RBFOX3: variants seen among roughly 807,000 people sequenced by gnomAD.
RBFOX3 encodes RNA binding fox-1 homolog 3.
In RBFOX3, 17 loss-of-function variants were observed where a neutral mutation model predicts 48.7. The observed-to-expected ratio is 0.35, with a 90% confidence interval of 0.24 to 0.52. RBFOX3 has a LOEUF of 0.52. Ranked by LOEUF, RBFOX3 falls within the 20% of genes least tolerant of loss-of-function variation. The pLI is 0.94. For missense variants in RBFOX3, 382 were observed against 497.5 expected (o/e 0.77, Z 2.21); for synonymous variants, 212 against 209.5 (o/e 1.01, Z -0.10).
chr17:79,162,870 A>C (rs948518730), intron 4 of RBFOX3, among the ~76,000 whole-genome samples: 2 of 152,166 alleles, frequency 1.3e-5, no homozygotes. Flanking sequence ...GAATGGAAAA[A>C]GCCAGTGGCA....
rs2057189067 is a variant in RBFOX3, at chr17:79,204,207, C to T, written c.-34+31559G>A. ...AGCACAGGCCAAGGGGGCAACAGCC[C>T]CAGCTCAGGAAGAAAACAGCCACAC... is the stretch of plus-strand genomic sequence containing the variant. On this transcript the variant is annotated intron_variant, in intron 4 of 14. Coordinates refer to ENST00000693108, the MANE Select transcript of RBFOX3 (RefSeq NM_001350451.2). The surrounding 1 kb of genome is among the most constrained non-coding windows in gnomAD (Gnocchi z 4.5). Among the ~76,000 whole-genome samples, 2 of 152,146 alleles carry T rather than the reference C, an allele frequency of 1.3e-5. No homozygotes were observed. The highest frequency in any genetic ancestry group is 4.8e-5 in the African/African-American group (2 of 41,418).
chr17:79,457,128 G>C (rs1269839688), intron 2 of RBFOX3, among the ~76,000 whole-genome samples: 1 of 152,262 alleles, frequency 6.6e-6, no homozygotes, highest in Non-Finnish European at 1.5e-5. Flanking sequence ...TGGGCTCCTG[G>C]GGGCATGGCT....
chr17:79,343,559 TG>T (rs2082420259), intron 2 of RBFOX3, among the ~76,000 whole-genome samples: 1 of 151,872 alleles, frequency 6.6e-6, no homozygotes. Context: ...CCAAAAACAC[TG>T]GAGGAAGAAA....
intron 1 of RBFOX3, among the ~76,000 whole-genome samples, chr17:79,498,917 C>T (rs2082005558): frequency 7.0e-6 from 1 of 143,822 alleles, no homozygotes; most frequent in Non-Finnish European, 1.5e-5. Context: ...TATGGCTACC[C>T]ATCCATCCAC....
chr17:79,339,509 T>C (rs751365655), intron 2 of RBFOX3, among the ~76,000 whole-genome samples: 3 of 152,108 alleles, frequency 2.0e-5, no homozygotes, highest in Non-Finnish European at 2.9e-5. Flanking sequence ...GGGTTCCTTA[T>C]TGGAGCTGGT....
At chr17:79,539,607 G>A (rs1555789635) in intron 1 of RBFOX3, among the ~76,000 whole-genome samples, 1 of 152,172 alleles carries the variant, frequency 6.6e-6, no homozygotes, top group African/African-American at 2.4e-5. Flanking sequence ...ATTTCCCATT[G>A]CTAACAGTGG....
At chr17:79,309,228 G>A (rs1301065189) in intron 2 of RBFOX3, among the ~76,000 whole-genome samples, 2 of 152,188 alleles carry the variant, frequency 1.3e-5, no homozygotes, top group African/African-American at 4.8e-5. Flanking sequence ...GCACCTGAGA[G>A]TAGATTTTGC....
At chr17:79,367,894 T>C (rs1346930325) in intron 2 of RBFOX3, among the ~76,000 whole-genome samples, 1 of 152,098 alleles carries the variant, frequency 6.6e-6, no homozygotes, top group Non-Finnish European at 1.5e-5. Context: ...TGAATGGGTT[T>C]CTCCTGCCTC....
At chr17:79,141,791 C>T (rs533056397) in intron 4 of RBFOX3, among the ~76,000 whole-genome samples, 522 of 152,232 alleles carry the variant, frequency 3.4e-3, no homozygotes, top group Non-Finnish European at 6.1e-3. Context: ...GGTGAGCGGA[C>T]GACACAGTGC....
Position 79,137,206 on chromosome 17 carries a change from G to A in RBFOX3, c.-33-21458C>T, listed in dbSNP as rs528075895. Among the ~76,000 whole-genome samples, 92 of 151,296 alleles carry A rather than the reference G, an allele frequency of 6.1e-4. 2 individuals are homozygous for A. In the South Asian group the frequency reaches 0.012, roughly 20 times the overall value. ...GCCTCTGTGCACACACGCAGGCCTC[G>A]TGGACATGTGCTCACACAGACCCTC... On this transcript the variant is annotated intron_variant, in intron 4 of 14. Transcript: ENST00000693108.
intron 2 of RBFOX3, among the ~76,000 whole-genome samples, chr17:79,439,374 G>A (rs559047462): frequency 1.8e-4 from 27 of 152,334 alleles, no homozygotes; most frequent in South Asian, 6.2e-4. Context: ...AACAGGTAAC[G>A]TACTGCAAAT....
rs1051329330 is a variant in RBFOX3 at position 79,509,631 on chromosome 17, G to A, written c.-319-27033C>T. Among the ~76,000 whole-genome samples the A allele has an allele frequency of 1.8e-4, 27 of 152,282 alleles. No individual in the cohort carries two copies. In the East Asian group the frequency reaches 5.2e-3, roughly 29 times the overall value. ...CTTATACTAACGGTTCCATGGCAGG[G>A]TCGGCGCCTGGGAGAGCTATGAGGC... On this transcript the variant is annotated intron_variant, in intron 1 of 14. Transcript: ENST00000693108.
intron 2 of RBFOX3, among the ~76,000 whole-genome samples, chr17:79,356,373 T>TGTTTGTTTTTG (rs1555684869): frequency 1.1e-5 from 1 of 88,992 alleles, no homozygotes; most frequent in Non-Finnish European, 2.2e-5. Context: ...TTTTTTTTTT[T>TGTTTGTTTTTG]TTTTTTTTTT....
chr17:79,497,376 A>G (rs1028902221), intron 1 of RBFOX3, among the ~76,000 whole-genome samples: 1 of 152,214 alleles, frequency 6.6e-6, no homozygotes, highest in Non-Finnish European at 1.5e-5. Context: ...TCAGACCCCT[A>G]AGGCTTCCAA....
At chr17:79,520,036 C>A (rs1382019535) in intron 1 of RBFOX3, among the ~76,000 whole-genome samples, 1 of 152,146 alleles carries the variant, frequency 6.6e-6, no homozygotes, top group Non-Finnish European at 1.5e-5. Context: ...CCACAAAGCC[C>A]GTTGAAAGTC....
chr17:79,620,649 G>GCACACA, the RBFOX3 span, among the ~76,000 whole-genome samples: 2 of 146,794 alleles, frequency 1.4e-5, no homozygotes, highest in Non-Finnish European at 3.0e-5. Flanking sequence ...GCACACACAC[G>GCACACA]GACATGCACA....
At chr17:79,442,769 G>T (rs1455482052) in intron 2 of RBFOX3, among the ~76,000 whole-genome samples, 1 of 152,070 alleles carries the variant, frequency 6.6e-6, no homozygotes, top group African/African-American at 2.4e-5. Flanking sequence ...ACTGGGGTGG[G>T]GGTGAGGAGG....
chr17:79,349,125 C>T (rs1167482538), intron 2 of RBFOX3, among the ~76,000 whole-genome samples: 2 of 152,014 alleles, frequency 1.3e-5, no homozygotes, highest in South Asian at 4.2e-4. Flanking sequence ...TCCCCATCCC[C>T]ACGCCTGGCG....
At position 79,309,536 on chromosome 17, in the gene RBFOX3, G is replaced by A. The variant is rs187963773; in HGVS notation, c.-174-1712C>T. Among the ~76,000 whole-genome samples, 102 of 152,266 alleles carry A rather than the reference G, an allele frequency of 6.7e-4. 1 individual carries two copies. The East Asian group carries it at 0.018, about 27-fold the overall frequency. ...GTGTTGGGTGACATCTGCATGTTCA[G>A]GCCTCCCCTTGGAGAAGCCCCCAAC... is the stretch of plus-strand genomic sequence containing the variant. On this transcript the variant is annotated intron_variant, in intron 2 of 14. Coordinates refer to ENST00000693108, the MANE Select transcript of RBFOX3 (RefSeq NM_001350451.2).
Sources: allele counts gnomAD v4.1 joint callset (sites outside exome capture counted in the v4.1 genomes callset), GRCh38; gene constraint gnomAD v4.1.1; non-coding constraint Gnocchi (gnomAD v3.1); transcripts MANE v1.5; gene names NCBI Gene and HGNC (gene_info 2026-07-23, HGNC 2026-07-21).